Variants in PREX2 observed in about 807,000 individuals in gnomAD.
The protein encoded by PREX2 is phosphatidylinositol-3,4,5-trisphosphate dependent Rac exchange factor 2, also known as phosphatidylinositol 3,4,5-trisphosphate-dependent Rac exchanger 2 protein.
Under a neutral mutation model 203.2 loss-of-function variants are expected in PREX2, and 107 were observed. The observed-to-expected ratio is 0.53, with a 90% CI of 0.45 to 0.62. PREX2 has a LOEUF of 0.62. PREX2 is among the 20% of genes least tolerant of loss of function. PREX2 has a pLI of 0.00. For synonymous variants in PREX2, 672 were observed against 663.6 expected (o/e 1.01, Z -0.19); for missense variants, 1,777 against 1,955.9 (o/e 0.91, Z 1.72).
intron 26 of PREX2, among the ~76,000 whole-genome samples, chr8:68,116,618 C>T (rs1810664737): frequency 6.6e-6 from 1 of 152,198 alleles, no homozygotes; most frequent in African/African-American, 2.4e-5. Context: ...CATCTTCTCC[C>T]TGTGTCTCTG....
intron 31 of PREX2, among the ~76,000 whole-genome samples, chr8:68,131,100 C>G (rs1176487237): frequency 6.6e-6 from 1 of 152,222 alleles, no homozygotes; most frequent in Non-Finnish European, 1.5e-5. Context: ...GTGTACCCCA[C>G]ACTTCTGACT....
At chr8:68,034,852 T>C (rs1002969021) in intron 6 of PREX2, among the ~76,000 whole-genome samples, 1 of 152,118 alleles carries the variant, frequency 6.6e-6, no homozygotes, top group African/African-American at 2.4e-5. Flanking sequence ...TTGTCCTCTG[T>C]ACGAGGTGAT....
chr8:67,956,772 A>T (rs1484360161), intron 1 of PREX2, among the ~76,000 whole-genome samples: 2 of 152,236 alleles, frequency 1.3e-5, no homozygotes, highest in Admixed American at 6.5e-5. Context: ...GCAAACCAGA[A>T]TGCATGGCTA....
intron 10 of PREX2, among the ~76,000 whole-genome samples, chr8:68,059,471 G>C (rs1359723834): frequency 6.6e-6 from 1 of 152,128 alleles, no homozygotes; most frequent in Admixed American, 6.5e-5. Flanking sequence ...TTCTGTGCTG[G>C]AGTATTCCTT....
rs528456190 is a variant in PREX2 at position 68,163,343 on chromosome 8, G to C, written c.4346+5907G>C. Among the ~76,000 whole-genome samples the C allele has an allele frequency of 7.8e-4, 119 of 152,252 alleles. 1 individual carries two copies. Among genetic ancestry groups the C allele is most frequent in the African/African-American group, 2.7e-3 (111 of 41,552 alleles). On this transcript the variant is annotated intron_variant, in intron 35 of 39. Transcript: ENST00000288368. ...TGGCTGAAGCCCTTACTGAATTTTAGAGAAACAGGGTAGCAAATTTGCATC... is the reference window on the plus strand; with the variant it reads ...TGGCTGAAGCCCTTACTGAATTTTACAGAAACAGGGTAGCAAATTTGCATC...
chr8:68,182,207 T>TC (rs1402661409), intron 35 of PREX2, among the ~76,000 whole-genome samples: 1 of 152,178 alleles, frequency 6.6e-6, no homozygotes, highest in East Asian at 1.9e-4. Context: ...AATCTCAGTA[T>TC]AATAGCATGC....
At chr8:68,040,536 C>T (rs1266395571) in intron 7 of PREX2, among the ~76,000 whole-genome samples, 1 of 152,100 alleles carries the variant, frequency 6.6e-6, no homozygotes, top group Admixed American at 6.6e-5. Context: ...CCCAGTGTGC[C>T]CTGTCCTTTG....
At chr8:68,096,871 A>G in intron 21 of PREX2, 146 bp from the exon 22 acceptor site, 1 of 671,104 alleles carries the variant, frequency 1.5e-6, no homozygotes, top group Non-Finnish European at 2.5e-6. Flanking sequence ...TTAAAATGTT[A>G]ACAAGAATAG....
Position 68,163,679 on chromosome 8 carries a change from A to G in PREX2, c.4346+6243A>G, listed in dbSNP as rs951891794. 4.6e-5 allele frequency among the ~76,000 whole-genome samples: 7 copies of G among 152,152 alleles called. No individual in the cohort carries two copies. In the East Asian group the frequency reaches 1.3e-3, roughly 29 times the overall value. On this transcript the variant is annotated intron_variant, in intron 35 of 39. Coordinates refer to ENST00000288368, the MANE Select transcript of PREX2 (RefSeq NM_024870.4). ...TAGATTTTTTTAAATCAAGCATTCTAATTTTGCACTGAATCCTGGATTCTC... is the reference window on the plus strand; with the variant it reads ...TAGATTTTTTTAAATCAAGCATTCTGATTTTGCACTGAATCCTGGATTCTC...
chr8:68,099,028 C>T (rs1810181501), intron 22 of PREX2, among the ~76,000 whole-genome samples: 1 of 145,568 alleles, frequency 6.9e-6, no homozygotes, highest in Non-Finnish European at 1.5e-5. Flanking sequence ...ATTGATGGTA[C>T]ACCTTCCCCA....
At chr8:67,972,551 C>T (rs1805955123) in intron 1 of PREX2, among the ~76,000 whole-genome samples, 1 of 152,184 alleles carries the variant, frequency 6.6e-6, no homozygotes, top group Admixed American at 6.5e-5. Flanking sequence ...TTCCCCGTGA[C>T]TATCTTTTAA....
chr8:67,999,629 C>T (rs1166406636), intron 1 of PREX2, among the ~76,000 whole-genome samples: 2 of 152,208 alleles, frequency 1.3e-5, no homozygotes, highest in East Asian at 1.9e-4. Context: ...AGGCCAGCAT[C>T]ATCCTAACAA....
At chr8:68,086,250 A>G (rs1203412236) in intron 18 of PREX2, among the ~76,000 whole-genome samples, 1 of 152,156 alleles carries the variant, frequency 6.6e-6, no homozygotes, top group Non-Finnish European at 1.5e-5. Context: ...GAAAATCTTC[A>G]TTTCTATCCC....
chr8:68,037,307 A>T (rs2129610690), intron 6 of PREX2, among the ~76,000 whole-genome samples: 1 of 152,196 alleles, frequency 6.6e-6, no homozygotes, highest in African/African-American at 2.4e-5. Flanking sequence ...GTCCTTTTTC[A>T]TTTTTTTCTT....
intron 25 of PREX2, among the ~76,000 whole-genome samples, chr8:68,113,322 A>T (rs530868111): frequency 3.9e-5 from 6 of 152,342 alleles, no homozygotes; most frequent in African/African-American, 1.4e-4. Flanking sequence ...ATGACTTCTA[A>T]TTTAAAAGAT....
At position 68,038,057 on chromosome 8, in the gene PREX2, G is replaced by T. The variant is rs1808086199; in HGVS notation, c.706-102G>T. 5 of 1,288,964 alleles carry T rather than the reference G, an allele frequency of 3.9e-6. No individual in the cohort carries two copies. In the South Asian group the frequency reaches 6.9e-5, roughly 18 times the overall value. The allele number at this position is 1,288,964 out of a possible 1,614,324, so 79.8% of individuals were successfully genotyped here. ...TTGCACTTTAGCCTGTGCATAGCTT[G>T]CTTCTTAAAATAAAAACAACCATAA... On this transcript the variant is annotated intron_variant, in intron 6 of 39. Transcript: ENST00000288368.
chr8:68,057,996 G>C (rs1808729996), intron 10 of PREX2, among the ~76,000 whole-genome samples: 1 of 152,236 alleles, frequency 6.6e-6, no homozygotes, highest in Admixed American at 6.5e-5. Flanking sequence ...CAGAGCACCT[G>C]ATAGGTAGGA....
chr8:68,229,645 G>A (rs917358679), intron 39 of PREX2, among the ~76,000 whole-genome samples: 5 of 152,074 alleles, frequency 3.3e-5, no homozygotes, highest in Non-Finnish European at 5.9e-5. Context: ...TCAAAGACTC[G>A]TCTACCCAGT....
intron 37 of PREX2, among the ~76,000 whole-genome samples, chr8:68,203,277 T>C (rs7838512): frequency 0.7 from 106,102 of 152,002 alleles, 37,338 homozygotes; most frequent in Middle Eastern, 0.77. Context: ...TCGATGATTC[T>C]GACTCACCAG....
Sources: gnomAD v4.1 joint callset for allele counts (sites outside exome capture counted in the v4.1 genomes callset) on GRCh38, gnomAD v4.1.1 for gene constraint, MANE v1.5 for transcripts, NCBI Gene and HGNC (gene_info 2026-07-23, HGNC 2026-07-21) for gene names.